Variants in SAT2 observed in about 807,000 individuals in gnomAD.
The protein encoded by SAT2 is thialysine N-epsilon-acetyltransferase.
A neutral mutation model predicts 24.8 loss-of-function variants in SAT2; 19 were observed. That is an observed-to-expected ratio of 0.77 (90% confidence interval 0.53 to 1.12). SAT2 has a LOEUF of 1.12. Among genes scored for constraint, SAT2 ranks in the 50% most tolerant of loss-of-function variants. The probability of loss-of-function intolerance (pLI) is 0.00; values close to 1 mark genes in which losing one functional copy is unlikely to be tolerated. For missense variants in SAT2, 190 were observed against 210.7 expected, an observed-to-expected ratio of 0.90 and a Z score of 0.61; for synonymous variants, 77 against 77.4, an observed-to-expected ratio of 0.99 and a Z score of 0.03.
chr17:7,626,470 T>G lies in SAT2; in HGVS notation c.490A>C (p.Thr164Pro). Residue 164 changes from threonine (T) to proline (P), a missense_variant, in exon 6 of 6, where the codon ACG becomes CCG. Thr to Pro is a conservative substitution (Grantham distance 38). Transcript: ENST00000269298. ...WHFFCFQGEA[T>P]RKLAGK ...CGTCACTTTCCTGCCAACTTTCTCG[T>G]TGCCTCTCCTTGAAAGCAGAAGAAG... 6.2e-7 allele frequency: 1 copy of G among 1,614,038 alleles called. No homozygotes were observed. The highest frequency in any genetic ancestry group is 8.5e-7 in the Non-Finnish European group (1 of 1,179,982).
Position 7,627,008 on chromosome 17 carries a change from A to G in SAT2, c.239T>C (p.Ile80Thr). The stretch of plus-strand genomic sequence containing the variant: ...GGTGCGTCCCTTCCATGTACTGTAG[A>G]TGAAATAGTATATCCCATAGCCCAC... ...CVVGYGIYYFIYSTWKGRTIY... is the reference protein window; with the variant it reads ...CVVGYGIYYFTYSTWKGRTIY... Residue 80 changes from isoleucine (I) to threonine (T), a missense_variant, in exon 4 of 6, where the codon ATC (isoleucine) becomes ACC (threonine). Coordinates refer to ENST00000269298, the MANE Select transcript of SAT2 (RefSeq NM_133491.5). This position sits in a 1 kb window ranked among gnomAD's most constrained non-coding sequence, Gnocchi z 4.8. The G allele has an allele frequency of 6.2e-7, 1 of 1,613,938 alleles. No individual in the cohort carries two copies.
Position 7,627,696 on chromosome 17 carries a change from T to A in SAT2, c.-61A>T. ...CCTCGCAAACGGCAACTAGACCCCT[T>A]AAAGGGCCTACGGACTTGGATCCTG... On this transcript the variant is annotated 5_prime_UTR_variant, in exon 1 of 6. Transcript: ENST00000269298. This position sits in a 1 kb window ranked among gnomAD's most constrained non-coding sequence, Gnocchi z 4.8. The A allele has an allele frequency of 6.3e-7, 1 of 1,582,104 alleles. No homozygotes were observed. Among genetic ancestry groups the A allele is most frequent in the Non-Finnish European group, 8.7e-7 (1 of 1,151,686 alleles).
At position 7,626,571 on chromosome 17, in the gene SAT2, A is replaced by G. The variant is rs371353730; in HGVS notation, c.389T>C (p.Leu130Pro). 1 of 1,614,116 alleles carries G rather than the reference A, an allele frequency of 6.2e-7. No homozygotes were observed. The highest frequency in any genetic ancestry group is 8.5e-7 in the Non-Finnish European group (1 of 1,179,994). Residue 130 changes from leucine to proline, a missense_variant, in exon 6 of 6, where the codon CTG becomes CCG. Coordinates refer to ENST00000269298, the MANE Select transcript of SAT2 (RefSeq NM_133491.5). ...KGCSQFRLAV[L>P]DWNQRAMDLY... The stretch of plus-strand genomic sequence containing the variant: ...GTCCATGGCCCTCTGGTTCCAGTCC[A>G]GGACGGCCAGGCGGAATTGGGAGCA...
chr17:7,627,105 G>T lies in SAT2; in HGVS notation c.202+38C>A. The T allele has an allele frequency of 6.2e-7, 1 of 1,613,036 alleles. No homozygotes were observed. The highest frequency in any genetic ancestry group is 8.5e-7 in the Non-Finnish European group (1 of 1,179,018). On this transcript the variant is annotated intron_variant, in intron 3 of 5. Transcript: ENST00000269298. The surrounding 1 kb of genome is among the most constrained non-coding windows in gnomAD (Gnocchi z 4.8). ...GCCTGTGGGGAGACCTCTGAGGCCG[G>T]CTGGAGAGGTGGACTTCTAAGGGCC...
chr17:7,626,865 G>A (rs2150962217), intron 4 of SAT2, 72 bp from the exon 5 acceptor site: 1 of 1,605,468 alleles, frequency 6.2e-7, no homozygotes, highest in Non-Finnish European at 8.5e-7. Context: ...GACACCGGCT[G>A]GGCTCTGGGG....
At position 7,627,251 on chromosome 17, in the gene SAT2, A is replaced by G; in HGVS notation, c.119-25T>C. On this transcript the variant is annotated intron_variant, in intron 2 of 5. Transcript: ENST00000269298. The surrounding 1 kb of genome is among the most constrained non-coding windows in gnomAD (Gnocchi z 4.8). Reference sequence around the variant, plus strand: ...GCTGCCGAGATTGGAGTTGTGACAAAGAGATAGAGAAAGAGGACGTGGGTG... The same window carrying G: ...GCTGCCGAGATTGGAGTTGTGACAAGGAGATAGAGAAAGAGGACGTGGGTG... 6.2e-7 allele frequency: 1 copy of G among 1,613,878 alleles called. No homozygotes were observed. Among genetic ancestry groups the G allele is most frequent in the Non-Finnish European group, 8.5e-7 (1 of 1,179,798 alleles).
rs1225955230 is a variant in SAT2 at position 7,626,360 on chromosome 17, A to G, written c.*87T>C. 6.8e-7 allele frequency: 1 copy of G among 1,477,368 alleles called. No homozygotes were observed. Among genetic ancestry groups the G allele is most frequent in the East Asian group, 2.3e-5 (1 of 44,174 alleles). The allele number at this position is 1,477,368 out of a possible 1,614,324, so 91.5% of individuals were successfully genotyped here. A position where few individuals can be genotyped will look rare whatever the true frequency, so the allele number is the denominator to read the frequency against. On this transcript the variant is annotated 3_prime_UTR_variant, in exon 6 of 6. Transcript: ENST00000269298. Reference sequence around the variant, plus strand: ...CTCCTTCCTCCAGGGAGGCCTCAGCATCAGTGTCTGTGGACGTAGTCTCTG... The same window carrying G: ...CTCCTTCCTCCAGGGAGGCCTCAGCGTCAGTGTCTGTGGACGTAGTCTCTG...
Position 7,627,271 on chromosome 17 carries a change from T to G in SAT2, c.119-45A>C. On this transcript the variant is annotated intron_variant, in intron 2 of 5. Coordinates refer to ENST00000269298, the MANE Select transcript of SAT2 (RefSeq NM_133491.5). The surrounding 1 kb of genome is among the most constrained non-coding windows in gnomAD (Gnocchi z 4.8). ...GACAAAGAGATAGAGAAAGAGGACG[T>G]GGGTGTATGCCCAGCCTGGAGCTGT... is the stretch of plus-strand genomic sequence containing the variant. 1 of 1,612,544 alleles carries G rather than the reference T, an allele frequency of 6.2e-7. No individual in the cohort carries two copies. The highest frequency in any genetic ancestry group is 8.5e-7 in the Non-Finnish European group (1 of 1,178,622).
Position 7,627,689 on chromosome 17 carries a change from G to A in SAT2, c.-54C>T. On this transcript the variant is annotated 5_prime_UTR_variant, in exon 1 of 6. Transcript: ENST00000269298. This position sits in a 1 kb window ranked among gnomAD's most constrained non-coding sequence, Gnocchi z 4.8. Reference sequence around the variant, plus strand: ...CCCAGGGCCTCGCAAACGGCAACTAGACCCCTTAAAGGGCCTACGGACTTG... The same window carrying A: ...CCCAGGGCCTCGCAAACGGCAACTAAACCCCTTAAAGGGCCTACGGACTTG... 6.2e-7 allele frequency: 1 copy of A among 1,604,568 alleles called. No individual in the cohort carries two copies. Among genetic ancestry groups the A allele is most frequent in the Non-Finnish European group, 8.5e-7 (1 of 1,171,602 alleles).
rs1405284002 is a variant in SAT2 at position 7,626,392 on chromosome 17, G to A, written c.*55C>T. ...TCTGTGGACGTAGTCTCTGAAGAGTGCTTCAGCTGATGGGGAAGGAGAAAC... is the reference window on the plus strand; with the variant it reads ...TCTGTGGACGTAGTCTCTGAAGAGTACTTCAGCTGATGGGGAAGGAGAAAC... On this transcript the variant is annotated 3_prime_UTR_variant, in exon 6 of 6. Coordinates refer to ENST00000269298, the MANE Select transcript of SAT2 (RefSeq NM_133491.5). The A allele has an allele frequency of 8.2e-6, 13 of 1,589,026 alleles. No homozygotes were observed. Among genetic ancestry groups the A allele is most frequent in the Non-Finnish European group, 1.1e-5 (13 of 1,162,008 alleles).
In SAT2 at chr17:7,627,529, G is replaced by A; in HGVS notation, c.66+41C>T. The A allele has an allele frequency of 6.4e-7, 1 of 1,573,166 alleles. No individual in the cohort carries two copies. The highest frequency in any genetic ancestry group is 2.2e-5 in the East Asian group (1 of 44,634). ...CGCCTCCTACGACCCCGCTCTGGCC[G>A]CGCCACTCTGACCCCCGGGTTACCG... On this transcript the variant is annotated intron_variant, in intron 1 of 5. Coordinates refer to ENST00000269298, the MANE Select transcript of SAT2 (RefSeq NM_133491.5). The surrounding 1 kb of genome is among the most constrained non-coding windows in gnomAD (Gnocchi z 4.8).
Position 7,627,236 on chromosome 17 carries a change from T to C in SAT2, c.119-10A>G, listed in dbSNP as rs1480918443. On this transcript the variant is annotated splice_polypyrimidine_tract_variant and intron_variant, in intron 2 of 5. Transcript: ENST00000269298. This position sits in a 1 kb window ranked among gnomAD's most constrained non-coding sequence, Gnocchi z 4.8. Reference sequence around the variant, plus strand: ...CCATCTGCTCTCAGGGCTGCCGAGATTGGAGTTGTGACAAAGAGATAGAGA... The same window carrying C: ...CCATCTGCTCTCAGGGCTGCCGAGACTGGAGTTGTGACAAAGAGATAGAGA... 3.1e-6 allele frequency: 5 copies of C among 1,613,922 alleles called. No individual in the cohort carries two copies. Among genetic ancestry groups the C allele is most frequent in the East Asian group, 2.2e-5 (1 of 44,880 alleles).
Position 7,627,782 on chromosome 17 carries a change from G to GT in SAT2, c.-148dup, listed in dbSNP as rs1417508148. On this transcript the variant is annotated 5_prime_UTR_variant, in exon 1 of 6. Transcript: ENST00000269298. This position sits in a 1 kb window ranked among gnomAD's most constrained non-coding sequence, Gnocchi z 4.8. ...GGGACGGCGGGGTAGCCGCGGCCTGGTAAGTGGAGCTGGGATTCCGGCGCC... is the reference window on the plus strand; with the variant it reads ...GGGACGGCGGGGTAGCCGCGGCCTGGTTAAGTGGAGCTGGGATTCCGGCGCC... 6 of 891,980 alleles carry GT rather than the reference G, an allele frequency of 6.7e-6. No homozygotes were observed. The highest frequency in any genetic ancestry group is 2.1e-5 in the Admixed American group (1 of 48,758). 55.3% of individuals were successfully genotyped at this position (891,980 alleles called of 1,614,324 possible).
Position 7,627,298 on chromosome 17 carries a change from G to A in SAT2, c.118+65C>T. ...GGTGTATGCCCAGCCTGGAGCTGTC[G>A]CCTGGGGAACCCATCCCTCATTTCC... On this transcript the variant is annotated intron_variant, in intron 2 of 5. Coordinates refer to ENST00000269298, the MANE Select transcript of SAT2 (RefSeq NM_133491.5). This position sits in a 1 kb window ranked among gnomAD's most constrained non-coding sequence, Gnocchi z 4.8. The A allele has an allele frequency of 6.2e-7, 1 of 1,612,096 alleles. No homozygotes were observed. The highest frequency in any genetic ancestry group is 8.5e-7 in the Non-Finnish European group (1 of 1,178,318).
rs1431251464 is a variant in SAT2 at position 7,627,131 on chromosome 17, A to G, written c.202+12T>C. 3 of 1,613,892 alleles carry G rather than the reference A, an allele frequency of 1.9e-6. No individual in the cohort carries two copies. Among genetic ancestry groups the G allele is most frequent in the Non-Finnish European group, 2.5e-6 (3 of 1,179,906 alleles). On this transcript the variant is annotated intron_variant, in intron 3 of 5. Coordinates refer to ENST00000269298, the MANE Select transcript of SAT2 (RefSeq NM_133491.5). This position sits in a 1 kb window ranked among gnomAD's most constrained non-coding sequence, Gnocchi z 4.8. ...CTGGAGAGGTGGACTTCTAAGGGCCAGGTGCTCTTACCCAGTAGCTTCCCG... is the reference window on the plus strand; with the variant it reads ...CTGGAGAGGTGGACTTCTAAGGGCCGGGTGCTCTTACCCAGTAGCTTCCCG...
At position 7,626,939 on chromosome 17, in the gene SAT2, G is replaced by A. The variant is rs767196457; in HGVS notation, c.304+4C>T. ...CCACCCCAGCCTCAGCTTCTGCCCA[G>A]TACCCCGATATTCCGGCATCACATA... On this transcript the variant is annotated splice_donor_region_variant and intron_variant, in intron 4 of 5. Coordinates refer to ENST00000269298, the MANE Select transcript of SAT2 (RefSeq NM_133491.5). The A allele has an allele frequency of 1.4e-5, 22 of 1,613,264 alleles. No individual in the cohort carries two copies. In the Admixed American group the frequency reaches 3.5e-4, roughly 26 times the overall value.
In SAT2 at chr17:7,627,470, G is replaced by C; in HGVS notation, c.67-56C>G. ...GCAGAAGGGCCCCGCTGCTCCCCGA[G>C]CAGGTTCCCAAGGCGAGCCCCTCCC... is the stretch of plus-strand genomic sequence containing the variant. On this transcript the variant is annotated intron_variant, in intron 1 of 5. Transcript: ENST00000269298. The surrounding 1 kb of genome is among the most constrained non-coding windows in gnomAD (Gnocchi z 4.8). The C allele has an allele frequency of 6.2e-7, 1 of 1,609,532 alleles. No homozygotes were observed. Among genetic ancestry groups the C allele is most frequent in the Non-Finnish European group, 8.5e-7 (1 of 1,176,186 alleles).
chr17:7,627,737 C>T lies in SAT2; in HGVS notation c.-102G>A, dbSNP rs746756884. 5.0e-6 allele frequency: 5 copies of T among 999,518 alleles called. No individual in the cohort carries two copies. In the East Asian group the frequency reaches 1.1e-4, roughly 23 times the overall value. 61.9% of individuals were successfully genotyped at this position (999,518 alleles called of 1,614,324 possible). On this transcript the variant is annotated 5_prime_UTR_variant, in exon 1 of 6. Transcript: ENST00000269298. This position sits in a 1 kb window ranked among gnomAD's most constrained non-coding sequence, Gnocchi z 4.8. ...TTGGATCCTGAAGAGCCTGAGAGAGCGGGGTGGCGGGAGTCGGGGGGGACG... is the reference window on the plus strand; with the variant it reads ...TTGGATCCTGAAGAGCCTGAGAGAGTGGGGTGGCGGGAGTCGGGGGGGACG...
Position 7,626,333 on chromosome 17 carries a change from C to T in SAT2, c.*114G>A. On this transcript the variant is annotated 3_prime_UTR_variant, in exon 6 of 6. Coordinates refer to ENST00000269298, the MANE Select transcript of SAT2 (RefSeq NM_133491.5). ...AATACTTGAGGATAGGCACCCCTAA[C>T]CCTCCTTCCTCCAGGGAGGCCTCAG... 1.7e-6 allele frequency: 2 copies of T among 1,196,538 alleles called. No individual in the cohort carries two copies. Among genetic ancestry groups the T allele is most frequent in the Non-Finnish European group, 1.2e-6 (1 of 836,172 alleles). The allele number at this position is 1,196,538 out of a possible 1,614,324, so 74.1% of individuals were successfully genotyped here. A position where few individuals can be genotyped will look rare whatever the true frequency, so the allele number is the denominator to read the frequency against.
Sources: allele counts gnomAD v4.1 joint callset, GRCh38; gene constraint gnomAD v4.1.1; non-coding constraint Gnocchi (gnomAD v3.1); transcripts MANE v1.5; gene names NCBI Gene and HGNC (gene_info 2026-07-23, HGNC 2026-07-21).